PASD1: variants seen among roughly 807,000 people sequenced by gnomAD.
PASD1 encodes the protein circadian clock protein PASD1.
In PASD1, 13 loss-of-function variants were observed where a neutral mutation model predicts 58.8. The ratio of observed to expected loss-of-function variants is 0.22; its 90% confidence interval spans 0.14 to 0.35. The LOEUF (loss-of-function observed/expected upper bound fraction) is 0.35, where lower values mean the gene tolerates loss of function less well. Among genes scored for constraint, PASD1 ranks in the 10% least tolerant of loss-of-function variants. The probability of loss-of-function intolerance (pLI) is 1.00; values close to 1 mark genes in which losing one functional copy is unlikely to be tolerated. For missense variants in PASD1, 734 were observed against 568.3 expected (o/e 1.29, Z -2.96); for synonymous variants, 236 against 216.7 (o/e 1.09, Z -0.78).
At chrX:151,627,819 C>G (rs1485237829) in intron 8 of PASD1, among the ~76,000 whole-genome samples, 1 of 111,754 alleles carries the variant, frequency 8.9e-6, no homozygotes, top group Admixed American at 9.4e-5. Flanking sequence ...ACAGTCCCAC[C>G]GACAGTGTAA....
At chrX:151,596,480 C>T (rs2013323564) in intron 1 of PASD1, among the ~76,000 whole-genome samples, 1 of 112,439 alleles carries the variant, frequency 8.9e-6, no homozygotes, top group Non-Finnish European at 1.9e-5. Flanking sequence ...CTCCACCTTC[C>T]AGCATTGCCT....
At chrX:151,607,658 GTTCC>G (rs1400955208) in intron 3 of PASD1, among the ~76,000 whole-genome samples, 1 of 111,968 alleles carries the variant, frequency 8.9e-6, no homozygotes, top group Non-Finnish European at 1.9e-5. Flanking sequence ...GTATCTACCA[GTTCC>G]TTTCTTTCTC....
At chrX:151,648,753 A>G in intron 9 of PASD1, 51 bp downstream of exon 9, 1 of 1,157,572 alleles carries the variant, frequency 8.6e-7, no homozygotes, top group African/African-American at 1.8e-5. Flanking sequence ...TATCCGTGTG[A>G]TGTTGATTAT....
At chrX:151,661,154 CAAA>C (rs36030616) in intron 10 of PASD1, among the ~76,000 whole-genome samples, 1 of 94,313 alleles carries the variant, frequency 1.1e-5, no homozygotes, top group Non-Finnish European at 2.1e-5. Flanking sequence ...GACTCCGTCT[CAAA>C]AAAAAAAAAG....
At chrX:151,625,282 T>C (rs1208914111) in intron 7 of PASD1, among the ~76,000 whole-genome samples, 166 bp from the exon 8 acceptor site, 1 of 112,331 alleles carries the variant, frequency 8.9e-6, no homozygotes, top group East Asian at 2.8e-4. Context: ...TCATTATATC[T>C]CTAATCCTCA....
intron 9 of PASD1, among the ~76,000 whole-genome samples, chrX:151,650,268 A>G (rs1469560612): frequency 9.0e-6 from 1 of 111,675 alleles, no homozygotes. Context: ...CTGTGTGTGA[A>G]GAATCCAGAG....
At chrX:151,603,614 T>C (rs955105545) in intron 2 of PASD1, among the ~76,000 whole-genome samples, 7 of 111,045 alleles carry the variant, frequency 6.3e-5, no homozygotes, top group African/African-American at 2.0e-4. Context: ...AGAATTGAGT[T>C]TCCAAGCTGG....
At chrX:151,659,545 T>C (rs2014284899) in intron 9 of PASD1, among the ~76,000 whole-genome samples, 168 bp from the exon 10 acceptor site, 1 of 112,384 alleles carries the variant, frequency 8.9e-6, no homozygotes, top group Non-Finnish European at 1.9e-5. Context: ...CTTCCAGCAA[T>C]ATTTTTAAGG....
intron 1 of PASD1, among the ~76,000 whole-genome samples, chrX:151,599,687 T>TC (rs2013382057): frequency 1.1e-5 from 1 of 94,515 alleles, no homozygotes; most frequent in South Asian, 5.3e-4. Flanking sequence ...GCAGAGGCGC[T>TC]CCCCACATCC....
intron 2 of PASD1, among the ~76,000 whole-genome samples, chrX:151,602,046 A>G (rs780806352): frequency 8.9e-6 from 1 of 112,490 alleles, no homozygotes; most frequent in Non-Finnish European, 1.9e-5. Flanking sequence ...GTGGTATCCA[A>G]TGGATACATT....
chrX:151,587,225 C>CTT (rs33922090), intron 1 of PASD1, among the ~76,000 whole-genome samples: 5,021 of 82,402 alleles, frequency 0.061, 214 homozygotes, highest in Admixed American at 0.11. Context: ...CTGGGTTTGC[C>CTT]TTTTTTTTTT....
At chrX:151,570,965 G>T (rs2012919012) in intron 1 of PASD1, among the ~76,000 whole-genome samples, 1 of 111,838 alleles carries the variant, frequency 8.9e-6, no homozygotes, top group South Asian at 3.8e-4. Flanking sequence ...GCCTCAAACA[G>T]GGGCTGTATT....
chrX:151,584,569 G>C, intron 1 of PASD1, among the ~76,000 whole-genome samples: 1 of 111,760 alleles, frequency 8.9e-6, no homozygotes, highest in Middle Eastern at 4.6e-3. Context: ...TTGCCTGTTG[G>C]GGGTGGAGGT....
At chrX:151,671,810 G>A in intron 13 of PASD1, 31 bp downstream of exon 13, 1 of 1,169,400 alleles carries the variant, frequency 8.6e-7, no homozygotes, top group South Asian at 1.8e-5. Flanking sequence ...CTGTGTATCT[G>A]AAAGGGGATT....
chrX:151,655,199 C>A (rs2014223396), intron 9 of PASD1, among the ~76,000 whole-genome samples: 1 of 111,084 alleles, frequency 9.0e-6, no homozygotes, highest in Non-Finnish European at 1.9e-5. Flanking sequence ...TTTTTTATGG[C>A]TGCATAGTAT....
At chrX:151,580,690 C>T (rs1297057454) in intron 1 of PASD1, among the ~76,000 whole-genome samples, 1 of 109,744 alleles carries the variant, frequency 9.1e-6, no homozygotes, top group East Asian at 2.8e-4. Context: ...TAATACAATA[C>T]AGTAAACATA....
intron 8 of PASD1, among the ~76,000 whole-genome samples, chrX:151,642,180 A>T (rs2014006772): frequency 8.9e-6 from 1 of 111,949 alleles, no homozygotes; most frequent in African/African-American, 3.3e-5. Flanking sequence ...GATCTTTCCC[A>T]AGTGAGAACG....
At chrX:151,574,898 G>T (rs919246399) in intron 1 of PASD1, among the ~76,000 whole-genome samples, 1 of 112,065 alleles carries the variant, frequency 8.9e-6, no homozygotes, top group Non-Finnish European at 1.9e-5. Context: ...GAATCCTCCT[G>T]TCTCAGGCTT....
chrX:151,673,849 C>T, intron 14 of PASD1, 79 bp from the exon 15 acceptor site: 1 of 1,135,912 alleles, frequency 8.8e-7, no homozygotes, highest in Non-Finnish European at 1.2e-6. Context: ...GCCTGAAGCA[C>T]CTACTGATGA....
Sources: gnomAD v4.1 joint callset for allele counts (sites outside exome capture counted in the v4.1 genomes callset) on GRCh38, gnomAD v4.1.1 for gene constraint, MANE v1.5 for transcripts, NCBI Gene and HGNC (gene_info 2026-07-23, HGNC 2026-07-21) for gene names.